CUL4B: variants seen among roughly 807,000 people sequenced by gnomAD.
The protein encoded by CUL4B is cullin 4B.
A neutral mutation model predicts 69.2 loss-of-function variants in CUL4B; 1 was observed. The observed-to-expected ratio is 0.01, with a 90% CI of 0.01 to 0.07. CUL4B has a LOEUF of 0.07. Among genes scored for constraint, CUL4B ranks in the 10% least tolerant of loss-of-function variants. CUL4B has a pLI of 1.00. For missense variants in CUL4B, 328 were observed against 638.8 expected (o/e 0.51, Z 5.24); for synonymous variants, 237 against 223.2 (o/e 1.06, Z -0.55).
intron 2 of CUL4B, among the ~76,000 whole-genome samples, 158 bp from the exon 3 acceptor site, chrX:120,547,397 G>A (rs1243347105): frequency 8.9e-6 from 1 of 112,236 alleles, no homozygotes; most frequent in Non-Finnish European, 1.9e-5. Context: ...ATATCAATGT[G>A]GGTGGCAAAC....
chrX:120,556,218 C>T (rs1487479668), intron 2 of CUL4B, among the ~76,000 whole-genome samples: 1 of 111,540 alleles, frequency 9.0e-6, no homozygotes, highest in African/African-American at 3.3e-5. Flanking sequence ...TAGCTTAGTA[C>T]TACAACTACT....
At position 120,560,898 on chromosome X, in the gene CUL4B, C is replaced by T; in HGVS notation, c.-260G>A. The T allele has an allele frequency of 9.3e-6, 7 of 753,170 alleles. No homozygotes were observed. The highest frequency in any genetic ancestry group is 1.1e-5 in the Non-Finnish European group (7 of 638,852). 62.1% of individuals were successfully genotyped at this position (753,170 alleles called of 1,213,427 possible). A position where few individuals can be genotyped will look rare whatever the true frequency, so the allele number is the denominator to read the frequency against. ...GGAGGCAGACAGGTAAACGGCCGTG[C>T]CGTCCCCCTCCCCTGCTTTTCGATC... On this transcript the variant is annotated 5_prime_UTR_variant, in exon 1 of 20. Transcript: ENST00000371322.
intron 18 of CUL4B, 30 bp downstream of exon 18, chrX:120,532,392 G>A: frequency 1.8e-6 from 2 of 1,117,014 alleles, no homozygotes; most frequent in Non-Finnish European, 2.5e-6. Flanking sequence ...ATTCCAGTGT[G>A]TTAGGACTAA....
At chrX:120,559,842 T>A (rs908975564) in intron 1 of CUL4B, 1 of 1,135,594 alleles carries the variant, frequency 8.8e-7, no homozygotes, top group Non-Finnish European at 1.2e-6. Flanking sequence ...TTAAATACAA[T>A]AGGTTGAAAA....
At chrX:120,532,897 C>A (rs1377083256) in intron 17 of CUL4B, among the ~76,000 whole-genome samples, 2 of 111,712 alleles carry the variant, frequency 1.8e-5, no homozygotes, top group Non-Finnish European at 3.8e-5. Context: ...ACGCCCGGCC[C>A]CTAGTCCTCT....
chrX:120,524,285 G>A lies in CUL4B; in HGVS notation c.*2476C>T, dbSNP rs905004935. Among the ~76,000 whole-genome samples, 1 of 111,447 alleles carries A rather than the reference G, an allele frequency of 9.0e-6. No homozygotes were observed. Among genetic ancestry groups the A allele is most frequent in the Non-Finnish European group, 1.9e-5 (1 of 53,011 alleles). On this transcript the variant is annotated 3_prime_UTR_variant, in exon 20 of 20. Transcript: ENST00000371322. ...TAAGAGTAATCTTTTCTTCTCCCCT[G>A]AACTCAAATCTAGACTCATTTCATA...
chrX:120,541,276 G>A (rs1923973962), intron 10 of CUL4B, among the ~76,000 whole-genome samples: 1 of 112,241 alleles, frequency 8.9e-6, no homozygotes. Flanking sequence ...AAGGCGGGTG[G>A]ATCATTTGAG....
rs1925233827 is a variant in CUL4B, at chrX:120,560,647, C to T, written c.-9G>A. 8.3e-7 allele frequency: 1 copy of T among 1,199,391 alleles called. No individual in the cohort carries two copies. The highest frequency in any genetic ancestry group is 1.1e-6 in the Non-Finnish European group (1 of 894,445). ...AAACCTGTTGGAAACATGAAAATAG[C>T]GGGGTCAACAGGCAGAGGAGCATCA... On this transcript the variant is annotated 5_prime_UTR_variant, in exon 1 of 20. Coordinates refer to ENST00000371322, the MANE Select transcript of CUL4B (RefSeq NM_001079872.2).
chrX:120,553,656 C>T (rs1047187330), intron 2 of CUL4B, among the ~76,000 whole-genome samples: 1 of 111,018 alleles, frequency 9.0e-6, no homozygotes, highest in African/African-American at 3.3e-5. Flanking sequence ...GTAAGCCTGG[C>T]ACTTTGGGAG....
chrX:120,539,461 C>T (rs1923860969), intron 11 of CUL4B, 89 bp from the exon 12 acceptor site: 3 of 482,171 alleles, frequency 6.2e-6, no homozygotes, highest in Admixed American at 8.2e-5. Context: ...GTATGATACA[C>T]TGAGTTTTTC....
At chrX:120,539,930 G>A (rs925877831) in intron 11 of CUL4B, among the ~76,000 whole-genome samples, 1 of 111,647 alleles carries the variant, frequency 9.0e-6, no homozygotes, top group Non-Finnish European at 1.9e-5. Flanking sequence ...GGGTACTTGG[G>A]TGGAAAAACC....
intron 19 of CUL4B, among the ~76,000 whole-genome samples, chrX:120,528,224 T>C (rs1254095810): frequency 9.3e-6 from 1 of 107,475 alleles, no homozygotes; most frequent in Non-Finnish European, 1.9e-5. Flanking sequence ...CTGGCTAACA[T>C]GGCAAAACCC....
chrX:120,527,975 C>T (rs1380863491), intron 19 of CUL4B, among the ~76,000 whole-genome samples: 1 of 112,635 alleles, frequency 8.9e-6, no homozygotes, highest in Non-Finnish European at 1.9e-5. Context: ...TTTATTGTAA[C>T]TTCACATGAG....
chrX:120,534,238 G>A (rs1923511487), intron 17 of CUL4B, among the ~76,000 whole-genome samples: 1 of 107,174 alleles, frequency 9.3e-6, no homozygotes, highest in East Asian at 2.9e-4. Flanking sequence ...GCCAGGCACG[G>A]TGGCATGCAC....
At chrX:120,527,818 G>T (rs1923073700) in intron 19 of CUL4B, among the ~76,000 whole-genome samples, 1 of 111,960 alleles carries the variant, frequency 8.9e-6, no homozygotes, top group Non-Finnish European at 1.9e-5. Context: ...CTCATTAAAG[G>T]TGTTCAACCT....
chrX:120,559,445 T>C (rs761996170), intron 1 of CUL4B, among the ~76,000 whole-genome samples: 48 of 112,247 alleles, frequency 4.3e-4, no homozygotes, highest in African/African-American at 1.6e-3. Flanking sequence ...ATGGAAAAAA[T>C]AGATGTAGTA....
intron 18 of CUL4B, among the ~76,000 whole-genome samples, chrX:120,531,360 C>T (rs1231966009): frequency 9.2e-6 from 1 of 109,107 alleles, no homozygotes; most frequent in East Asian, 2.9e-4. Context: ...TGCATTAAAC[C>T]TTATTGGAAC....
chrX:120,556,313 G>C (rs141125777), intron 2 of CUL4B, among the ~76,000 whole-genome samples: 1 of 111,625 alleles, frequency 9.0e-6, no homozygotes, highest in African/African-American at 3.3e-5. Flanking sequence ...AGTATTTTGC[G>C]TGTACTAATT....
In CUL4B at chrX:120,523,940, C is replaced by T. The variant is rs1358496135; in HGVS notation, c.*2821G>A. 9.0e-6 allele frequency among the ~76,000 whole-genome samples: 1 copy of T among 111,587 alleles called. No homozygotes were observed. Among genetic ancestry groups the T allele is most frequent in the African/African-American group, 3.2e-5 (1 of 30,780 alleles). On this transcript the variant is annotated 3_prime_UTR_variant, in exon 20 of 20. Transcript: ENST00000371322. ...TAAATAAGAGAATAGAACACGCTCA[C>T]AACACTCCTGCCATTCACAGCATTA...
Sources: allele counts gnomAD v4.1 joint callset (sites outside exome capture counted in the v4.1 genomes callset), GRCh38; gene constraint gnomAD v4.1.1; transcripts MANE v1.5; gene names NCBI Gene and HGNC (gene_info 2026-07-23, HGNC 2026-07-21).